KIF1B: variants seen among roughly 807,000 people sequenced by gnomAD.
KIF1B encodes kinesin-like protein KIF1B.
A neutral mutation model predicts 241.9 loss-of-function variants in KIF1B; 76 were observed. That is an observed-to-expected ratio of 0.31 (90% CI 0.26 to 0.38). KIF1B has a LOEUF of 0.38. KIF1B is among the 10% of genes least tolerant of loss of function. KIF1B has a pLI of 1.00. For synonymous variants in KIF1B, 750 were observed against 796.7 expected, an observed-to-expected ratio of 0.94 and a Z score of 0.99; for missense variants, 1,622 against 2,271.4, an observed-to-expected ratio of 0.71 and a Z score of 5.81.
At chr1:10,288,690 T>A (rs955190866) in intron 15 of KIF1B, among the ~76,000 whole-genome samples, 4 of 138,356 alleles carry the variant, frequency 2.9e-5, no homozygotes, top group African/African-American at 1.1e-4. Context: ...TGCTGGTTGT[T>A]GTTGTTCTTC....
chr1:10,273,934 C>CTTTTTTTTTTTTTTTT (rs35845856), intron 10 of KIF1B, among the ~76,000 whole-genome samples: 1 of 116,814 alleles, frequency 8.6e-6, no homozygotes. Context: ...TTAGTAGCTT[C>CTTTTTTTTTTTTTTTT]TTTTTTTTTT....
At chr1:10,252,414 T>TTGTTGC (rs746664511) in intron 2 of KIF1B, among the ~76,000 whole-genome samples, 15 of 151,892 alleles carry the variant, frequency 9.9e-5, no homozygotes, top group Admixed American at 2.6e-4. Flanking sequence ...GTTGTTGTTG[T>TTGTTGC]TGCTGTTGTT....
intron 27 of KIF1B, among the ~76,000 whole-genome samples, chr1:10,329,322 C>T (rs140350373): frequency 8.5e-5 from 13 of 152,296 alleles, no homozygotes; most frequent in African/African-American, 2.4e-4. Flanking sequence ...TGCAACATCA[C>T]CCAGTTGTGT....
At position 10,348,607 on chromosome 1, in the gene KIF1B, T is replaced by C. The variant is rs150759395; in HGVS notation, c.3865-42T>C. 3.5e-4 allele frequency: 515 copies of C among 1,459,088 alleles called. 1 individual carries two copies. In the East Asian group the frequency reaches 0.011, roughly 33 times the overall value. 90.4% of individuals were successfully genotyped at this position (1,459,088 alleles called of 1,614,324 possible). ...GAAAACAGTAGACGAGAGGAGATAA[T>C]AGATTGCTTCAGCTAAATTGCAACC... On this transcript the variant is annotated intron_variant, in intron 36 of 48. Transcript: ENST00000676179.
At chr1:10,358,683 CAA>C (rs767246662) in intron 38 of KIF1B, among the ~76,000 whole-genome samples, 8 of 79,276 alleles carry the variant, frequency 1.0e-4, no homozygotes, top group Admixed American at 3.0e-4. Flanking sequence ...GACTCTGTCT[CAA>C]AAAAAAAAAA....
chr1:10,222,672 T>C (rs1307971807), intron 1 of KIF1B, among the ~76,000 whole-genome samples: 1 of 152,184 alleles, frequency 6.6e-6, no homozygotes, highest in Non-Finnish European at 1.5e-5. Flanking sequence ...AATTAAGCAA[T>C]TGGGCAAAAA....
chr1:10,252,650 G>T lies in KIF1B; in HGVS notation c.107-3597G>T, dbSNP rs527527893. Among the ~76,000 whole-genome samples, 5 of 151,794 alleles carry T rather than the reference G, an allele frequency of 3.3e-5. No homozygotes were observed. The South Asian group carries it at 1.0e-3, about 32-fold the overall frequency. On this transcript the variant is annotated intron_variant, in intron 2 of 48. Transcript: ENST00000676179. ...TGGTCTCAAATTCCTGTACTCCAGC[G>T]ATCCTCCTGCCTGAGCTTCCCAAAG... is the stretch of plus-strand genomic sequence containing the variant.
intron 2 of KIF1B, among the ~76,000 whole-genome samples, chr1:10,244,812 C>T (rs936524828): frequency 6.6e-6 from 1 of 151,506 alleles, no homozygotes; most frequent in Non-Finnish European, 1.5e-5. Context: ...CGGGGTTTCA[C>T]TGTTTTAGCC....
At chr1:10,278,834 T>G in intron 13 of KIF1B, 1 of 428,062 alleles carries the variant, frequency 2.3e-6, no homozygotes, top group Non-Finnish European at 4.2e-6. Flanking sequence ...ATGGGTTAGT[T>G]TAGTAAAGCA....
chr1:10,365,332 T>C lies in KIF1B; in HGVS notation c.4513-77T>C. ...TCTTCCTCCCCGCTGCTGCATGTGA[T>C]CATAGCTTTTCACTTTTCTCTCCTG... On this transcript the variant is annotated intron_variant, in intron 42 of 48. Coordinates refer to ENST00000676179, the MANE Select transcript of KIF1B (RefSeq NM_001365951.3). This position sits in a 1 kb window ranked among gnomAD's most constrained non-coding sequence, Gnocchi z 4.0. 1 of 1,613,858 alleles carries C rather than the reference T, an allele frequency of 6.2e-7. No homozygotes were observed. Among genetic ancestry groups the C allele is most frequent in the East Asian group, 2.2e-5 (1 of 44,880 alleles).
intron 3 of KIF1B, 94 bp from the exon 4 acceptor site, chr1:10,258,399 C>A (rs1647922433): frequency 7.5e-7 from 1 of 1,327,778 alleles, no homozygotes; most frequent in Non-Finnish European, 1.1e-6. Context: ...GGTGACTGTT[C>A]TGATTCCAGA....
chr1:10,251,895 T>C (rs1349446904), intron 2 of KIF1B, among the ~76,000 whole-genome samples: 1 of 152,140 alleles, frequency 6.6e-6, no homozygotes, highest in Admixed American at 6.6e-5. Context: ...GTGTCATCAT[T>C]GTTCTTATTG....
Position 10,323,866 on chromosome 1 carries a change from T to C in KIF1B, c.2359-18T>C. 6.2e-7 allele frequency: 1 copy of C among 1,610,190 alleles called. No homozygotes were observed. Among genetic ancestry groups the C allele is most frequent in the Non-Finnish European group, 8.5e-7 (1 of 1,176,436 alleles). The stretch of plus-strand genomic sequence containing the variant: ...CTTGCTGAAAACCATTTGTCAATGG[T>C]TTATTCTTTCTATTCAGGTGCAGTT... On this transcript the variant is annotated intron_variant, in intron 24 of 48. Coordinates refer to ENST00000676179, the MANE Select transcript of KIF1B (RefSeq NM_001365951.3).
intron 1 of KIF1B, among the ~76,000 whole-genome samples, chr1:10,212,877 T>C (rs1316242968): frequency 1.6e-5 from 2 of 127,992 alleles, no homozygotes; most frequent in Non-Finnish European, 3.3e-5. Flanking sequence ...TGTGTGTGTG[T>C]GCATGCGTGT....
At chr1:10,215,923 G>T (rs1397305619) in intron 1 of KIF1B, among the ~76,000 whole-genome samples, 4 of 152,124 alleles carry the variant, frequency 2.6e-5, no homozygotes, top group Non-Finnish European at 5.9e-5. Flanking sequence ...CATCTTGGCA[G>T]ATGTCAATGA....
At chr1:10,263,880 C>T (rs1025289943) in intron 5 of KIF1B, among the ~76,000 whole-genome samples, 2 of 152,152 alleles carry the variant, frequency 1.3e-5, no homozygotes, top group Non-Finnish European at 2.9e-5. Context: ...TACTTCCTTC[C>T]CTGTTTACTC....
Position 10,303,822 on chromosome 1 carries a change from T to G in KIF1B, c.2115+6576T>G, listed in dbSNP as rs763484935. Reference sequence around the variant, plus strand: ...GCCACAAAGCAAAGGAGCCTGTTGGTGCTGGTGTTAGTAGCACCTCTGAGA... The same window carrying G: ...GCCACAAAGCAAAGGAGCCTGTTGGGGCTGGTGTTAGTAGCACCTCTGAGA... On this transcript the variant is annotated intron_variant, in intron 22 of 48. Coordinates refer to ENST00000676179, the MANE Select transcript of KIF1B (RefSeq NM_001365951.3). The surrounding 1 kb of genome is among the most constrained non-coding windows in gnomAD (Gnocchi z 5.2). 1 of 1,614,190 alleles carries G rather than the reference T, an allele frequency of 6.2e-7. No individual in the cohort carries two copies. Among genetic ancestry groups the G allele is most frequent in the South Asian group, 1.1e-5 (1 of 91,090 alleles).
chr1:10,212,890 G>GTGTATA (rs1284149177), intron 1 of KIF1B, among the ~76,000 whole-genome samples: 10 of 109,498 alleles, frequency 9.1e-5, no homozygotes, highest in South Asian at 3.1e-4. Context: ...ATGCGTGTGT[G>GTGTATA]TATATATATA....
intron 3 of KIF1B, among the ~76,000 whole-genome samples, chr1:10,256,703 A>ATT (rs1557668836): frequency 1.0e-4 from 15 of 145,262 alleles, no homozygotes; most frequent in East Asian, 2.0e-4. Flanking sequence ...TAATAATAAT[A>ATT]ATTATTATTA....
Sources: allele counts gnomAD v4.1 joint callset (sites outside exome capture counted in the v4.1 genomes callset), GRCh38; gene constraint gnomAD v4.1.1; non-coding constraint Gnocchi (gnomAD v3.1); transcripts MANE v1.5; gene names NCBI Gene and HGNC (gene_info 2026-07-23, HGNC 2026-07-21).